EPS15L1: variants seen among roughly 807,000 people sequenced by gnomAD.
EPS15L1 encodes epidermal growth factor receptor substrate 15-like 1.
Under a neutral mutation model 117.1 loss-of-function variants are expected in EPS15L1, and 43 were observed. That is an observed-to-expected ratio of 0.37 (90% CI 0.29 to 0.47). EPS15L1 has a LOEUF of 0.47. Ranked by LOEUF, EPS15L1 falls within the 20% of genes least tolerant of loss-of-function variation. The pLI is 0.99. For missense variants in EPS15L1, 981 were observed against 1,164.0 expected (o/e 0.84, Z 2.29); for synonymous variants, 459 against 470.5 (o/e 0.98, Z 0.32).
Position 16,434,630 on chromosome 19 carries a change from C to G in EPS15L1, c.373-140G>C. ...CTAAAAGCACAAAATGATCTTAGAACAGTCTTGGCCCCTTGGTTTCCAAAG... is the reference window on the plus strand; with the variant it reads ...CTAAAAGCACAAAATGATCTTAGAAGAGTCTTGGCCCCTTGGTTTCCAAAG... On this transcript the variant is annotated intron_variant, in intron 6 of 23. Transcript: ENST00000455140. 6.9e-6 allele frequency: 6 copies of G among 869,310 alleles called. No individual in the cohort carries two copies. In the South Asian group the frequency reaches 1.0e-4, roughly 14 times the overall value. 53.8% of individuals were successfully genotyped at this position (869,310 alleles called of 1,614,324 possible).
chr19:16,451,979 A>G (rs530897934), intron 1 of EPS15L1, among the ~76,000 whole-genome samples: 42 of 151,540 alleles, frequency 2.8e-4, no homozygotes, highest in Non-Finnish European at 5.6e-4. Flanking sequence ...TCTACTAAAA[A>G]TACAAAAAAA....
rs1229526484 is a variant in EPS15L1, at chr19:16,370,821, A to C, written c.2380+6301T>G. On this transcript the variant is annotated intron_variant, in intron 22 of 23. Transcript: ENST00000455140. This position sits in a 1 kb window ranked among gnomAD's most constrained non-coding sequence, Gnocchi z 5.2. ...CAGACCTTCCAGAGGGCTCAGACGG[A>C]AGCTCTGAAGCTTCCTTGAACACAG... Among the ~76,000 whole-genome samples, 1 of 152,164 alleles carries C rather than the reference A, an allele frequency of 6.6e-6. No individual in the cohort carries two copies. Among genetic ancestry groups the C allele is most frequent in the Non-Finnish European group, 1.5e-5 (1 of 68,030 alleles).
At chr19:16,396,115 A>T (rs1568415521) in intron 16 of EPS15L1, among the ~76,000 whole-genome samples, 1 of 152,154 alleles carries the variant, frequency 6.6e-6, no homozygotes, top group African/African-American at 2.4e-5. Context: ...TTAAAAAAAA[A>T]AATTAATTAA....
chr19:16,445,799 G>T (rs2093077579), intron 1 of EPS15L1, among the ~76,000 whole-genome samples: 1 of 152,200 alleles, frequency 6.6e-6, no homozygotes, highest in Non-Finnish European at 1.5e-5. Context: ...GACGCACCAG[G>T]GGATGAGGCC....
chr19:16,452,633 GAAAA>G (rs58224667), intron 1 of EPS15L1, among the ~76,000 whole-genome samples: 3 of 87,980 alleles, frequency 3.4e-5, no homozygotes, highest in African/African-American at 1.1e-4. Flanking sequence ...AATGTCATCT[GAAAA>G]AAAAAAAAAA....
chr19:16,424,460 C>G (rs1027294555), intron 9 of EPS15L1, among the ~76,000 whole-genome samples: 7 of 151,982 alleles, frequency 4.6e-5, no homozygotes, highest in African/African-American at 1.7e-4. Flanking sequence ...GCCCCACTAG[C>G]TTCGTTGCCA....
intron 1 of EPS15L1, among the ~76,000 whole-genome samples, chr19:16,450,477 CTT>C (rs768287701): frequency 2.8e-5 from 3 of 108,196 alleles, no homozygotes; most frequent in Admixed American, 1.0e-4. Context: ...TGTCCATCTT[CTT>C]TTTTTTTTTT....
intron 8 of EPS15L1, among the ~76,000 whole-genome samples, chr19:16,425,708 G>A (rs947338777): frequency 1.3e-5 from 2 of 152,190 alleles, no homozygotes; most frequent in African/African-American, 4.8e-5. Context: ...GGGAGGCTGA[G>A]GTGGGAGGAT....
chr19:16,392,072 A>T (rs2092481881), intron 19 of EPS15L1, among the ~76,000 whole-genome samples: 2 of 152,182 alleles, frequency 1.3e-5, no homozygotes, highest in African/African-American at 2.4e-5. Context: ...CTGGACTGCT[A>T]ACTGCACCTT....
At chr19:16,406,661 G>T (rs1029149907) in intron 13 of EPS15L1, among the ~76,000 whole-genome samples, 7 of 152,248 alleles carry the variant, frequency 4.6e-5, no homozygotes, top group African/African-American at 1.7e-4. Flanking sequence ...GACACTAGGG[G>T]CTCCAACACC....
chr19:16,412,518 A>C (rs1277966561), intron 13 of EPS15L1, among the ~76,000 whole-genome samples: 4 of 151,808 alleles, frequency 2.6e-5, no homozygotes, highest in Admixed American at 6.6e-5. Flanking sequence ...AGAAAAAAAA[A>C]TCTTCACTCT....
intron 1 of EPS15L1, among the ~76,000 whole-genome samples, chr19:16,454,382 G>A (rs2093175331): frequency 6.6e-6 from 1 of 152,174 alleles, no homozygotes; most frequent in African/African-American, 2.4e-5. Context: ...ACTGGAACCT[G>A]GCGGGACAGG....
In EPS15L1 at chr19:16,403,720, C is replaced by T; in HGVS notation, c.1626+13G>A. 6.2e-7 allele frequency: 1 copy of T among 1,609,972 alleles called. No homozygotes were observed. Among genetic ancestry groups the T allele is most frequent in the Non-Finnish European group, 8.5e-7 (1 of 1,179,786 alleles). On this transcript the variant is annotated intron_variant, in intron 15 of 23. Coordinates refer to ENST00000455140, the MANE Select transcript of EPS15L1 (RefSeq NM_001258374.3). ...TCCCTGGCATGTGGCAGGGACCCGACTCCGTGAAGTACCTGGTTGATTTCG... is the reference window on the plus strand; with the variant it reads ...TCCCTGGCATGTGGCAGGGACCCGATTCCGTGAAGTACCTGGTTGATTTCG...
chr19:16,431,400 T>G (rs1033105472), intron 7 of EPS15L1, among the ~76,000 whole-genome samples: 2 of 151,448 alleles, frequency 1.3e-5, no homozygotes, highest in Non-Finnish European at 2.9e-5. Context: ...GCCTCCCAGA[T>G]TCAAGCGATT....
At chr19:16,464,894 C>CA (rs532295638) in intron 1 of EPS15L1, among the ~76,000 whole-genome samples, 4 of 151,336 alleles carry the variant, frequency 2.6e-5, no homozygotes, top group Middle Eastern at 3.4e-3. Flanking sequence ...TCCTGCCTAA[C>CA]CAGTGAAACC....
rs542357296 is a variant in EPS15L1 at position 16,409,482 on chromosome 19, G to T, written c.1266+4291C>A. Among the ~76,000 whole-genome samples, 8 of 152,306 alleles carry T rather than the reference G, an allele frequency of 5.3e-5. No individual in the cohort carries two copies. The South Asian group carries it at 1.5e-3, about 28-fold the overall frequency. On this transcript the variant is annotated intron_variant, in intron 13 of 23. Coordinates refer to ENST00000455140, the MANE Select transcript of EPS15L1 (RefSeq NM_001258374.3). ...CCAAAAGCAACAGCAGCAAAAAAAG[G>T]ATAAACCAGACTTCACCAACATTAA...
intron 22 of EPS15L1, among the ~76,000 whole-genome samples, chr19:16,375,637 G>C (rs572501528): frequency 6.6e-6 from 1 of 152,324 alleles, no homozygotes; most frequent in South Asian, 2.1e-4. Flanking sequence ...TTGTTGTTTT[G>C]TTTTTCCTCC....
chr19:16,380,823 T>C (rs1042079400), intron 21 of EPS15L1, among the ~76,000 whole-genome samples: 9 of 152,228 alleles, frequency 5.9e-5, no homozygotes, highest in Non-Finnish European at 1.2e-4. Flanking sequence ...CTCTGGCAGC[T>C]AGTTATAGAG....
At chr19:16,439,858 C>T (rs1157622077) in intron 4 of EPS15L1, among the ~76,000 whole-genome samples, 1 of 151,672 alleles carries the variant, frequency 6.6e-6, no homozygotes, top group Non-Finnish European at 1.5e-5. Context: ...CTTAAAATCA[C>T]TTATAAGTAC....
Sources: allele counts gnomAD v4.1 joint callset (sites outside exome capture counted in the v4.1 genomes callset), GRCh38; gene constraint gnomAD v4.1.1; non-coding constraint Gnocchi (gnomAD v3.1); transcripts MANE v1.5; gene names NCBI Gene and HGNC (gene_info 2026-07-23, HGNC 2026-07-21).